SPART: variants seen among roughly 807,000 people sequenced by gnomAD.
SPART encodes spartin, also known as spastic paraplegia 20 (Troyer syndrome).
A neutral mutation model predicts 58.7 loss-of-function variants in SPART; 35 were observed. That is an observed-to-expected ratio of 0.60 (90% CI 0.46 to 0.79). The LOEUF is 0.79. Among genes scored for constraint, SPART ranks in the 30% least tolerant of loss-of-function variants. The probability of loss-of-function intolerance (pLI) is 0.00; values close to 1 mark genes in which losing one functional copy is unlikely to be tolerated. For missense variants in SPART, 730 were observed against 786.1 expected (o/e 0.93, Z 0.85); for synonymous variants, 284 against 280.7 (o/e 1.01, Z -0.12).
Position 36,312,130 on chromosome 13 carries a change from T to C in SPART, c.1733+15A>G, listed in dbSNP as rs1881181804. ...CAAAACAGAGATTTAGTCATTAAAA[T>C]AAAATTCAACTTACTTGTATCTGAC... is the stretch of plus-strand genomic sequence containing the variant. On this transcript the variant is annotated intron_variant, in intron 8 of 8. Coordinates refer to ENST00000438666, the MANE Select transcript of SPART (RefSeq NM_015087.5). The C allele has an allele frequency of 1.2e-6, 2 of 1,606,456 alleles. No homozygotes were observed. Among genetic ancestry groups the C allele is most frequent in the Non-Finnish European group, 1.7e-6 (2 of 1,173,264 alleles).
chr13:36,322,384 T>C (rs1308992999), intron 5 of SPART, among the ~76,000 whole-genome samples: 1 of 152,128 alleles, frequency 6.6e-6, no homozygotes, highest in Non-Finnish European at 1.5e-5. Flanking sequence ...AAGGCAGAGT[T>C]TGCAGTGAGC....
chr13:36,354,667 A>G (rs1044341287), intron 1 of SPART, among the ~76,000 whole-genome samples: 3 of 152,082 alleles, frequency 2.0e-5, no homozygotes, highest in African/African-American at 4.8e-5. Context: ...ACCTTTTCCC[A>G]TTGCTAATTT....
At chr13:36,311,596 AT>A (rs1236434506) in intron 8 of SPART, among the ~76,000 whole-genome samples, 14 of 152,344 alleles carry the variant, frequency 9.2e-5, no homozygotes, top group Middle Eastern at 6.8e-3. Flanking sequence ...TTTAAAAAAA[AT>A]AACCTTATTC....
chr13:36,333,010 TCTTTTTTTTTTC>T (rs1265170327), intron 2 of SPART, among the ~76,000 whole-genome samples: 14 of 151,848 alleles, frequency 9.2e-5, no homozygotes, highest in African/African-American at 3.1e-4. Flanking sequence ...GAAAGGTTTT[TCTTTTTTTTTTC>T]TTTTTTTTAA....
Position 36,335,015 on chromosome 13 carries a change from G to T in SPART, c.810+6C>A. 6.2e-7 allele frequency: 1 copy of T among 1,610,766 alleles called. No individual in the cohort carries two copies. Among genetic ancestry groups the T allele is most frequent in the Non-Finnish European group, 8.5e-7 (1 of 1,177,648 alleles). ...CAAATTATGCTTTCATTTTTCTTTCGCTTACCTGAAGAAACCCGGGAGGAC... is the reference window on the plus strand; with the variant it reads ...CAAATTATGCTTTCATTTTTCTTTCTCTTACCTGAAGAAACCCGGGAGGAC... On this transcript the variant is annotated splice_donor_region_variant and intron_variant, in intron 2 of 8. Transcript: ENST00000438666.
At chr13:36,321,898 C>T (rs562381078) in intron 5 of SPART, among the ~76,000 whole-genome samples, 15 of 152,050 alleles carry the variant, frequency 9.9e-5, no homozygotes, top group South Asian at 2.1e-4. Flanking sequence ...TGTAAATGGC[C>T]GGTCCTTGCC....
intron 5 of SPART, among the ~76,000 whole-genome samples, chr13:36,318,983 A>C (rs1396577436): frequency 6.6e-6 from 1 of 152,116 alleles, no homozygotes; most frequent in African/African-American, 2.4e-5. Context: ...AGGTAACTCT[A>C]ACAGTGGAAG....
In SPART at chr13:36,314,341, G is replaced by C. The variant is rs200373703; in HGVS notation, c.1369C>G (p.Arg457Gly). 1 of 1,613,942 alleles carries C rather than the reference G, an allele frequency of 6.2e-7. No individual in the cohort carries two copies. Among genetic ancestry groups the C allele is most frequent in the Admixed American group, 1.7e-5 (1 of 59,982 alleles). Reference sequence around the variant, plus strand: ...TTTTCTTCTGGTTGAATCCGCTCTCGGAGTTTAGAAGCACCTTTCTGGATT... The same window carrying C: ...TTTTCTTCTGGTTGAATCCGCTCTCCGAGTTTAGAAGCACCTTTCTGGATT... ...KAIQKGASKLRERIQPEEKPV... is the reference protein window; with the variant it reads ...KAIQKGASKLGERIQPEEKPV... The change falls in exon 6 of 9, where the codon CGA becomes GGA. Residue 457 changes from arginine to glycine, a missense_variant. Physicochemically the swap from Arg to Gly is moderately radical, Grantham distance 125. Transcript: ENST00000438666.
upstream of SPART, among the ~76,000 whole-genome samples, chr13:36,351,171 T>C (rs997230655): frequency 6.6e-6 from 1 of 152,162 alleles, no homozygotes; most frequent in African/African-American, 2.4e-5. Context: ...AAGTAACTCA[T>C]TTAAAGTTGG....
chr13:36,367,133 C>T lies in SPART; in HGVS notation c.-3+2956G>A, dbSNP rs369429203. 3.6e-4 allele frequency among the ~76,000 whole-genome samples: 55 copies of T among 152,230 alleles called. 1 individual carries two copies. The South Asian group carries it at 0.011, about 32-fold the overall frequency. ...GGAAAAGGTGTCCTTGGGAAGTTTT[C>T]GGTTTTTAAAGCATCTCCGGAAAAG... On this transcript the variant is annotated intron_variant, in intron 1 of 8. Transcript: ENST00000355182.
intron 1 of SPART, among the ~76,000 whole-genome samples, chr13:36,363,029 A>G (rs994790705): frequency 1.3e-5 from 2 of 152,112 alleles, no homozygotes; most frequent in African/African-American, 2.4e-5. Context: ...TAAAAAAAAG[A>G]CAGATTCTGA....
At position 36,302,317 on chromosome 13, in the gene SPART, A is replaced by G. The variant is rs549644337; in HGVS notation, c.*2048T>C. ...CTAATGAGTCAGTGAATGGTGGGAA[A>G]AGTCCATTTTCTATAGACTAAGGCA... On this transcript the variant is annotated 3_prime_UTR_variant, in exon 9 of 9. Coordinates refer to ENST00000438666, the MANE Select transcript of SPART (RefSeq NM_015087.5). The G allele has an allele frequency of 6.6e-6, 1 of 152,310 alleles. No homozygotes were observed. Among genetic ancestry groups the G allele is most frequent in the Admixed American group, 6.5e-5 (1 of 15,292 alleles). 9.4% of individuals were successfully genotyped at this position (152,310 alleles called of 1,614,324 possible).
chr13:36,316,931 T>C (rs1399908614), intron 5 of SPART, among the ~76,000 whole-genome samples: 1 of 152,186 alleles, frequency 6.6e-6, no homozygotes, highest in Admixed American at 6.5e-5. Context: ...CGGCCTCTTT[T>C]TACTCTCTTC....
At chr13:36,330,429 TACACACACAC>T (rs10547331) in intron 3 of SPART, among the ~76,000 whole-genome samples, 12 of 150,228 alleles carry the variant, frequency 8.0e-5, no homozygotes, top group African/African-American at 2.7e-4. Context: ...TATATTTTCA[TACACACACAC>T]ACACACACAC....
chr13:36,312,587 A>T, intron 6 of SPART, 110 bp from the exon 7 acceptor site: 1 of 1,174,264 alleles, frequency 8.5e-7, no homozygotes, highest in Non-Finnish European at 1.2e-6. Flanking sequence ...TTTACTATAT[A>T]ATGTTACAAT....
rs1179909390 is a variant in SPART, at chr13:36,306,105, C to T, written c.1734-1473G>A. 2.0e-5 allele frequency among the ~76,000 whole-genome samples: 3 copies of T among 152,186 alleles called. No homozygotes were observed. In the East Asian group the frequency reaches 5.8e-4, roughly 29 times the overall value. On this transcript the variant is annotated intron_variant, in intron 8 of 8. Transcript: ENST00000438666. ...GTTAATAATTATATTAGAGCTAGCA[C>T]ACAGCAGAGCCTAGTCTGTCAAACC...
chr13:36,335,658 C>G lies in SPART; in HGVS notation c.173G>C (p.Ser58Thr). The change falls in exon 2 of 9, where the codon AGC becomes ACC. Residue 58 changes from serine to threonine, a missense_variant. Ser to Thr is a moderately conservative substitution (Grantham distance 58). Coordinates refer to ENST00000438666, the MANE Select transcript of SPART (RefSeq NM_015087.5). ...GTGTTCAGACTCTTTTGATGAAATG[C>G]TGATCCCTCTGAGCAGGTGTCCTAT... ...QGIGHLLRGISISSKESEHTG... is the reference protein window; with the variant it reads ...QGIGHLLRGITISSKESEHTG... The G allele has an allele frequency of 6.2e-7, 1 of 1,614,168 alleles. No individual in the cohort carries two copies. The highest frequency in any genetic ancestry group is 8.5e-7 in the Non-Finnish European group (1 of 1,180,014).
chr13:36,321,993 C>T (rs1453428622), intron 5 of SPART, among the ~76,000 whole-genome samples: 2 of 152,056 alleles, frequency 1.3e-5, no homozygotes, highest in Non-Finnish European at 1.5e-5. Context: ...CTTGCGACCC[C>T]CACTCCTGCC....
Position 36,303,701 on chromosome 13 carries a change from TAC to T in SPART, c.*662_*663del, listed in dbSNP as rs1179401424. The T allele has an allele frequency of 1.3e-5, 2 of 152,776 alleles. No individual in the cohort carries two copies. The highest frequency in any genetic ancestry group is 2.9e-5 in the Non-Finnish European group (2 of 68,196). The allele number at this position is 152,776 out of a possible 1,614,324, so 9.5% of individuals were successfully genotyped here. On this transcript the variant is annotated 3_prime_UTR_variant, in exon 9 of 9. Coordinates refer to ENST00000438666, the MANE Select transcript of SPART (RefSeq NM_015087.5). ...CCCAAATTTCCTAGGCTCATAACAA[TAC>T]AGTCTCAATACAAAAGACGTAATAA...
Sources: gnomAD v4.1 joint callset for allele counts (sites outside exome capture counted in the v4.1 genomes callset) on GRCh38, gnomAD v4.1.1 for gene constraint, MANE v1.5 for transcripts, NCBI Gene and HGNC (gene_info 2026-07-23, HGNC 2026-07-21) for gene names.